Variants in ATXN8OS observed in about 807,000 individuals in gnomAD.
ATXN8OS encodes ATXN8 opposite strand (non-protein coding).
At chr13:70,134,447 C>A (rs900247531) in intron 3 of ATXN8OS, among the ~76,000 whole-genome samples, 1 of 152,170 alleles carries the variant, frequency 6.6e-6, no homozygotes, top group South Asian at 2.1e-4. Context: ...GCGCATGTCT[C>A]ATGGTGGCCA....
chr13:70,107,983 C>T (rs993908806), exon 1 of ATXN8OS: 2 of 442,214 alleles, frequency 4.5e-6, no homozygotes, highest in Non-Finnish European at 7.9e-6. Context: ...AGCTGAGAAT[C>T]CTCGATGCCC....
intron 4 of ATXN8OS, among the ~76,000 whole-genome samples, chr13:70,164,398 G>A (rs570690405): frequency 4.6e-5 from 7 of 151,452 alleles, no homozygotes; most frequent in South Asian, 2.1e-4. Context: ...ATAAGACACC[G>A]TGAGGATGAA....
At chr13:70,126,749 G>C (rs1403550959) in intron 2 of ATXN8OS, among the ~76,000 whole-genome samples, 1 of 151,080 alleles carries the variant, frequency 6.6e-6, no homozygotes, top group East Asian at 1.9e-4. Context: ...TCTATAAATA[G>C]ACATAAATGG....
chr13:70,122,556 G>A (rs775644330), intron 2 of ATXN8OS, among the ~76,000 whole-genome samples: 5 of 151,826 alleles, frequency 3.3e-5, no homozygotes, highest in Non-Finnish European at 7.4e-5. Flanking sequence ...AAATGTGTAC[G>A]GCTGAGAAAT....
chr13:70,129,774 A>AT (rs1227728343), intron 2 of ATXN8OS: 4 of 398,376 alleles, frequency 1.0e-5, no homozygotes, highest in African/African-American at 8.2e-5. Context: ...CTCTGCTTTA[A>AT]TTGCAATAGC....
intron 4 of ATXN8OS, among the ~76,000 whole-genome samples, chr13:70,149,905 A>G (rs144938626): frequency 9.1e-4 from 138 of 152,288 alleles, no homozygotes; most frequent in African/African-American, 3.3e-3. Context: ...CAGTTAAAAA[A>G]AGAAATTAAA....
chr13:70,160,263 C>T (rs906959721), intron 4 of ATXN8OS, among the ~76,000 whole-genome samples: 3 of 151,482 alleles, frequency 2.0e-5, no homozygotes, highest in African/African-American at 7.3e-5. Context: ...GTATTTGCAG[C>T]TCATTGTTAC....
exon 5 of ATXN8OS, among the ~76,000 whole-genome samples, chr13:70,170,759 T>TG (rs1346608126): frequency 6.6e-6 from 1 of 152,118 alleles, no homozygotes; most frequent in Non-Finnish European, 1.5e-5. Context: ...CGATATGTTC[T>TG]GAGAAATGCA....
At chr13:70,117,632 C>A (rs765363108) in intron 2 of ATXN8OS, among the ~76,000 whole-genome samples, 5 of 152,088 alleles carry the variant, frequency 3.3e-5, no homozygotes, top group Non-Finnish European at 7.4e-5. Flanking sequence ...GAAATCAAAT[C>A]ATGACCCAAA....
At chr13:70,110,298 T>A (rs1888180426) in intron 1 of ATXN8OS, among the ~76,000 whole-genome samples, 1 of 152,104 alleles carries the variant, frequency 6.6e-6, no homozygotes, top group Non-Finnish European at 1.5e-5. Flanking sequence ...TCAATCTTAA[T>A]ACAATATATA....
intron 2 of ATXN8OS, among the ~76,000 whole-genome samples, chr13:70,119,835 T>C (rs1018859529): frequency 6.6e-6 from 1 of 152,092 alleles, no homozygotes; most frequent in African/African-American, 2.4e-5. Context: ...AAGTCAGTGA[T>C]TATGAAACAT....
intron 2 of ATXN8OS, among the ~76,000 whole-genome samples, chr13:70,128,898 T>A (rs1888484446): frequency 6.6e-6 from 1 of 151,914 alleles, no homozygotes; most frequent in Non-Finnish European, 1.5e-5. Context: ...TTTGCTCTTG[T>A]TGCCCACACT....
At chr13:70,119,379 A>G (rs1345885099) in intron 2 of ATXN8OS, among the ~76,000 whole-genome samples, 3 of 152,098 alleles carry the variant, frequency 2.0e-5, no homozygotes, top group African/African-American at 4.8e-5. Context: ...ATGCAACATA[A>G]TAACTCTTAA....
At chr13:70,109,811 A>G (rs1888172359) in intron 1 of ATXN8OS, among the ~76,000 whole-genome samples, 1 of 152,202 alleles carries the variant, frequency 6.6e-6, no homozygotes, top group Non-Finnish European at 1.5e-5. Context: ...AGTTTATGAA[A>G]TTACACATCA....
At position 70,120,761 on chromosome 13, in the gene ATXN8OS, G is replaced by A. The variant is rs531321178; in HGVS notation, n.398+5463G>A. On this transcript the variant is annotated intron_variant and non_coding_transcript_variant, in intron 2 of 4. Coordinates refer to ENST00000678624, the Ensembl canonical transcript of ATXN8OS. ...CAGCCATAAAAAATGATGAGTTCAT[G>A]TCCTTTGTAGGGACATGGATGAAGC... Among the ~76,000 whole-genome samples, 211 of 152,212 alleles carry A rather than the reference G, an allele frequency of 1.4e-3. 1 individual carries two copies. Among genetic ancestry groups the A allele is most frequent in the Middle Eastern group, 0.014 (4 of 294 alleles).
exon 5 of ATXN8OS, among the ~76,000 whole-genome samples, chr13:70,169,869 C>A (rs1269129545): frequency 2.0e-5 from 3 of 151,992 alleles, no homozygotes; most frequent in African/African-American, 7.2e-5. Flanking sequence ...ATATGAAGAA[C>A]CATCCCAGCT....
chr13:70,135,644 C>T (rs28374419), intron 3 of ATXN8OS, among the ~76,000 whole-genome samples: 2 of 103,034 alleles, frequency 1.9e-5, no homozygotes, highest in Non-Finnish European at 5.1e-5. Context: ...TCTTACATTC[C>T]TTTCCCTTAA....
intron 3 of ATXN8OS, among the ~76,000 whole-genome samples, chr13:70,132,858 A>ATT (rs71196273): frequency 0.071 from 9,833 of 138,974 alleles, 512 homozygotes; most frequent in East Asian, 0.3. Context: ...ACTAAAGTCT[A>ATT]TTTTTTTTTT....
At chr13:70,141,780 A>T (rs763542106) in intron 3 of ATXN8OS, among the ~76,000 whole-genome samples, 22 of 152,048 alleles carry the variant, frequency 1.4e-4, no homozygotes, top group Admixed American at 1.3e-4. Context: ...ACTGGTTATT[A>T]AATATTACTT....
Sources: allele counts gnomAD v4.1 joint callset (sites outside exome capture counted in the v4.1 genomes callset), GRCh38; gene constraint gnomAD v4.1.1; transcripts MANE v1.5; gene names NCBI Gene and HGNC (gene_info 2026-07-23, HGNC 2026-07-21).